The following TCF12 variants were observed in gnomAD, a reference collection of about 807,000 sequenced individuals.
The protein encoded by TCF12 is transcription factor 12, also known as DNA-binding protein HTF4.
TCF12 carries 45 observed loss-of-function variants against 86.0 expected under a neutral mutation model. That is an observed-to-expected ratio of 0.52 (90% confidence interval 0.41 to 0.67). The LOEUF (loss-of-function observed/expected upper bound fraction) is 0.67, where lower values mean the gene tolerates loss of function less well. Ranked by LOEUF, TCF12 falls within the 30% of genes least tolerant of loss-of-function variation. The pLI, the probability that TCF12 is intolerant of heterozygous loss-of-function variation, is 0.00. For synonymous variants in TCF12, 330 were observed against 299.6 expected (o/e 1.10, Z -1.05); for missense variants, 881 against 859.9 (o/e 1.02, Z -0.31).
At chr15:56,920,920 T>C in intron 2 of TCF12, 106 bp from the exon 3 acceptor site, 1 of 765,708 alleles carries the variant, frequency 1.3e-6, no homozygotes. Context: ...TTATTTTAAC[T>C]TCCCTCTGAA....
chr15:56,931,459 T>C (rs1186726868), intron 3 of TCF12, among the ~76,000 whole-genome samples: 1 of 152,134 alleles, frequency 6.6e-6, no homozygotes, highest in Non-Finnish European at 1.5e-5. Flanking sequence ...ATCTCTACCA[T>C]AAGGAAGCCT....
intron 5 of TCF12, among the ~76,000 whole-genome samples, chr15:57,146,839 G>C (rs1419364400): frequency 1.3e-5 from 2 of 152,160 alleles, no homozygotes; most frequent in African/African-American, 2.4e-5. Context: ...GATAATTAGA[G>C]ATGGTGTAAC....
At chr15:57,216,952 G>A (rs1268088308) in intron 8 of TCF12, among the ~76,000 whole-genome samples, 1 of 152,054 alleles carries the variant, frequency 6.6e-6, no homozygotes, top group African/African-American at 2.4e-5. Context: ...TTTGAAGAAT[G>A]AGATTTTAAT....
intron 3 of TCF12, among the ~76,000 whole-genome samples, chr15:57,017,342 T>C (rs180758273): frequency 1.3e-5 from 2 of 152,372 alleles, no homozygotes; most frequent in Admixed American, 6.5e-5. Flanking sequence ...TCACAAGTTA[T>C]CGCCCTTGAG....
intron 3 of TCF12, among the ~76,000 whole-genome samples, chr15:56,955,384 C>T (rs2061464055): frequency 6.6e-6 from 1 of 151,104 alleles, no homozygotes; most frequent in Non-Finnish European, 1.5e-5. Flanking sequence ...GGGAACATCA[C>T]ACACCCAGGG....
Position 56,987,274 on chromosome 15 carries a change from C to T in TCF12, c.148+66176C>T, listed in dbSNP as rs1209797002. Among the ~76,000 whole-genome samples, 16 of 152,068 alleles carry T rather than the reference C, an allele frequency of 1.1e-4. No individual in the cohort carries two copies. In the East Asian group the frequency reaches 1.2e-3, roughly 11 times the overall value. ...GATTACAGGTGCCCGCCACCACGCC[C>T]GGCTAATTTTTTGTATTTTTAGTAA... On this transcript the variant is annotated intron_variant, in intron 3 of 20. Coordinates refer to ENST00000333725, the MANE Select transcript of TCF12 (RefSeq NM_207037.2).
chr15:57,017,599 T>C (rs1420021362), intron 3 of TCF12, among the ~76,000 whole-genome samples: 1 of 152,188 alleles, frequency 6.6e-6, no homozygotes, highest in East Asian at 1.9e-4. Context: ...AAAGTAGGTA[T>C]ACAAAGTAGG....
chr15:57,225,667 A>C (rs1343305235), intron 8 of TCF12, among the ~76,000 whole-genome samples: 1 of 152,126 alleles, frequency 6.6e-6, no homozygotes, highest in Non-Finnish European at 1.5e-5. Flanking sequence ...AAATGTCTTT[A>C]ATTTTCTCTG....
chr15:57,126,029 G>A (rs1448409157), intron 5 of TCF12, among the ~76,000 whole-genome samples: 2 of 152,044 alleles, frequency 1.3e-5, no homozygotes, highest in African/African-American at 4.8e-5. Context: ...TCAGGAGTTC[G>A]AGACCAGCCT....
At chr15:56,941,460 G>T (rs985844490) in intron 3 of TCF12, among the ~76,000 whole-genome samples, 11 of 151,502 alleles carry the variant, frequency 7.3e-5, no homozygotes, top group Non-Finnish European at 1.5e-4. Flanking sequence ...GCAACCTCTG[G>T]CTCCCAGGTT....
intron 3 of TCF12, among the ~76,000 whole-genome samples, chr15:56,972,408 A>G (rs1287314511): frequency 6.6e-6 from 1 of 152,226 alleles, no homozygotes; most frequent in East Asian, 1.9e-4. Context: ...AAGTGATTAT[A>G]TAAACTATGG....
At chr15:56,937,570 G>A (rs1410343444) in intron 3 of TCF12, among the ~76,000 whole-genome samples, 1 of 151,530 alleles carries the variant, frequency 6.6e-6, no homozygotes, top group Admixed American at 6.6e-5. Context: ...CGGGTTCTCT[G>A]GCTAGGACTA....
At chr15:56,926,431 A>G (rs1460165144) in intron 3 of TCF12, among the ~76,000 whole-genome samples, 1 of 152,230 alleles carries the variant, frequency 6.6e-6, no homozygotes, top group African/African-American at 2.4e-5. Context: ...AATTGAGTCC[A>G]TAAGAAAGAG....
intron 5 of TCF12, among the ~76,000 whole-genome samples, chr15:57,163,775 C>T (rs556405296): frequency 9.2e-5 from 14 of 152,230 alleles, no homozygotes; most frequent in African/African-American, 2.2e-4. Flanking sequence ...TGTACACTTG[C>T]AATTCTGACA....
In TCF12 at chr15:57,104,072, C is replaced by A. The variant is rs533830991; in HGVS notation, c.325+12181C>A. Among the ~76,000 whole-genome samples, 4 of 152,126 alleles carry A rather than the reference C, an allele frequency of 2.6e-5. No homozygotes were observed. The East Asian group carries it at 7.7e-4, about 29-fold the overall frequency. On this transcript the variant is annotated intron_variant, in intron 5 of 20. Transcript: ENST00000333725. The stretch of plus-strand genomic sequence containing the variant: ...TGTGATAGGATTTTCTACAGTATTT[C>A]ATAGTGGAAAGGCAGAGTAATGTAT...
chr15:57,075,843 C>CTCT (rs2069954724), intron 4 of TCF12, among the ~76,000 whole-genome samples: 1 of 54,506 alleles, frequency 1.8e-5, no homozygotes, highest in South Asian at 7.4e-4. Flanking sequence ...TCTTTTCTTT[C>CTCT]TTTCTTTCTT....
At chr15:57,055,476 G>A (rs1397889334) in intron 3 of TCF12, among the ~76,000 whole-genome samples, 1 of 152,060 alleles carries the variant, frequency 6.6e-6, no homozygotes, top group Non-Finnish European at 1.5e-5. Context: ...AAGTTATACT[G>A]GTAATGAGTT....
chr15:56,974,995 G>C lies in TCF12; in HGVS notation c.148+53897G>C, dbSNP rs995968157. Reference sequence around the variant, plus strand: ...ATTAGCCATGTGGCTCTTGAGTTTCGAATAGTGGACCTCCTTAAAATATAT... The same window carrying C: ...ATTAGCCATGTGGCTCTTGAGTTTCCAATAGTGGACCTCCTTAAAATATAT... On this transcript the variant is annotated intron_variant, in intron 3 of 20. Coordinates refer to ENST00000333725, the MANE Select transcript of TCF12 (RefSeq NM_207037.2). 3.9e-5 allele frequency among the ~76,000 whole-genome samples: 6 copies of C among 152,110 alleles called. No individual in the cohort carries two copies. The East Asian group carries it at 9.6e-4, about 24-fold the overall frequency.
intron 3 of TCF12, among the ~76,000 whole-genome samples, chr15:57,030,228 T>G (rs1189436523): frequency 6.6e-6 from 1 of 152,020 alleles, no homozygotes; most frequent in Non-Finnish European, 1.5e-5. Flanking sequence ...CTTTATTGAT[T>G]GATTAATTGA....
Sources: gnomAD v4.1 joint callset for allele counts (sites outside exome capture counted in the v4.1 genomes callset) on GRCh38, gnomAD v4.1.1 for gene constraint, MANE v1.5 for transcripts, NCBI Gene and HGNC (gene_info 2026-07-23, HGNC 2026-07-21) for gene names.